TIMP3: variants seen among roughly 807,000 people sequenced by gnomAD.
TIMP3 encodes TIMP metallopeptidase inhibitor 3.
TIMP3 carries 11 observed loss-of-function variants against 30.0 expected under a neutral mutation model. The ratio of observed to expected loss-of-function variants is 0.37; its 90% CI spans 0.23 to 0.61. The LOEUF (loss-of-function observed/expected upper bound fraction) is 0.61. Ranked by LOEUF, TIMP3 falls within the 20% of genes least tolerant of loss-of-function variation. TIMP3 has a pLI of 0.70. For synonymous variants in TIMP3, 112 were observed against 111.3 expected (o/e 1.01, Z -0.04); for missense variants, 181 against 276.8 (o/e 0.65, Z 2.45).
chr22:32,830,987 G>A (rs1203144520), intron 1 of TIMP3, among the ~76,000 whole-genome samples: 1 of 152,168 alleles, frequency 6.6e-6, no homozygotes, highest in Non-Finnish European at 1.5e-5. Flanking sequence ...ACAGGGGTGG[G>A]GGAAGAGGAG....
chr22:32,818,189 C>T (rs974038388), intron 1 of TIMP3, among the ~76,000 whole-genome samples: 3 of 152,146 alleles, frequency 2.0e-5, no homozygotes, highest in South Asian at 2.1e-4. Context: ...CTGCTCAGAG[C>T]GTTTTGGTGA....
At chr22:32,822,895 G>A (rs1398525919) in intron 1 of TIMP3, among the ~76,000 whole-genome samples, 2 of 149,560 alleles carry the variant, frequency 1.3e-5, no homozygotes, top group Non-Finnish European at 3.0e-5. Flanking sequence ...AGTAACAGAA[G>A]CCAATTTGTT....
chr22:32,851,168 G>A (rs1007471192), intron 2 of TIMP3, among the ~76,000 whole-genome samples: 1 of 152,148 alleles, frequency 6.6e-6, no homozygotes, highest in African/African-American at 2.4e-5. Flanking sequence ...TGCAACCTCT[G>A]GCAGACAGCG....
intron 1 of TIMP3, 78 bp downstream of exon 1, chr22:32,802,200 C>A: frequency 2.6e-6 from 4 of 1,517,476 alleles, no homozygotes; most frequent in Admixed American, 4.0e-5. Flanking sequence ...CAGGGCGAGC[C>A]CCACTCCTTT....
rs189788198 is a variant in TIMP3, at chr22:32,856,634, C to A, written c.205-615C>A. 2.6e-5 allele frequency among the ~76,000 whole-genome samples: 4 copies of A among 152,254 alleles called. No homozygotes were observed. In the East Asian group the frequency reaches 7.7e-4, roughly 29 times the overall value. Reference sequence around the variant, plus strand: ...ATCAGGGTAATTGGGATATTCATAACCTTAAACATTTATCGTTTCTTCATG... The same window carrying A: ...ATCAGGGTAATTGGGATATTCATAAACTTAAACATTTATCGTTTCTTCATG... On this transcript the variant is annotated intron_variant, in intron 2 of 4. Transcript: ENST00000266085.
intron 1 of TIMP3, 74 bp downstream of exon 1, chr22:32,802,196 G>C (rs2046607022): frequency 5.3e-6 from 8 of 1,521,722 alleles, no homozygotes; most frequent in Non-Finnish European, 7.0e-6. Flanking sequence ...GAGGCAGGGC[G>C]AGCCCCACTC....
rs77097802 is a variant in TIMP3 at position 32,829,663 on chromosome 22, C to T, written c.122-19789C>T. 4.8e-3 allele frequency among the ~76,000 whole-genome samples: 736 copies of T among 152,322 alleles called. 2 individuals are homozygous for T. The highest frequency in any genetic ancestry group is 8.1e-3 in the Non-Finnish European group (549 of 68,038). ...TGCTGGCCACTGGCTGTTCCCTCCT[C>T]CAGCCAGGACAATGCCGGTCCCCGG... On this transcript the variant is annotated intron_variant, in intron 1 of 4. Coordinates refer to ENST00000266085, the MANE Select transcript of TIMP3 (RefSeq NM_000362.5).
chr22:32,821,500 T>C (rs925079776), intron 1 of TIMP3, among the ~76,000 whole-genome samples: 7 of 152,158 alleles, frequency 4.6e-5, no homozygotes, highest in South Asian at 4.1e-4. Flanking sequence ...GGATGGTCCA[T>C]AGAAAGGTGA....
intron 1 of TIMP3, among the ~76,000 whole-genome samples, chr22:32,826,100 C>A (rs1177049454): frequency 6.6e-6 from 1 of 152,074 alleles, no homozygotes; most frequent in Admixed American, 6.5e-5. Flanking sequence ...TTTTTCCCAA[C>A]CTTTCTTTAG....
intron 1 of TIMP3, among the ~76,000 whole-genome samples, chr22:32,846,277 T>C (rs556880904): frequency 6.6e-6 from 1 of 152,330 alleles, no homozygotes; most frequent in East Asian, 1.9e-4. Flanking sequence ...CTATACTTGT[T>C]CTGACTACTT....
chr22:32,819,282 G>A (rs1462115188), intron 1 of TIMP3, among the ~76,000 whole-genome samples: 2 of 152,250 alleles, frequency 1.3e-5, no homozygotes, highest in East Asian at 3.9e-4. Context: ...CCAAAGGTCT[G>A]GAAAGAGGCT....
rs150279094 is a variant in TIMP3 at position 32,805,247 on chromosome 22, G to A, written c.121+3125G>A. Among the ~76,000 whole-genome samples, 124 of 152,250 alleles carry A rather than the reference G, an allele frequency of 8.1e-4. No individual in the cohort carries two copies. The East Asian group carries it at 0.016, about 20-fold the overall frequency. ...GAGCATGAGGCTCAGCTGGGGGGCC[G>A]GCTGCCAGCCCCAGAGGATGGCCCC... On this transcript the variant is annotated intron_variant, in intron 1 of 4. Transcript: ENST00000266085.
Position 32,849,612 on chromosome 22 carries a change from T to G in TIMP3, c.204+78T>G, listed in dbSNP as rs2048163224. On this transcript the variant is annotated intron_variant, in intron 2 of 4. Transcript: ENST00000266085. ...AGAGTCCTGGCTAAGGGAGGCAAAG[T>G]GGGTTGGAACTGGGGTGTGTGTCTA... The G allele has an allele frequency of 3.7e-6, 5 of 1,336,364 alleles. No individual in the cohort carries two copies. The African/African-American group carries it at 4.3e-5, about 12-fold the overall frequency. 82.8% of individuals were successfully genotyped at this position (1,336,364 alleles called of 1,614,324 possible).
chr22:32,813,663 A>ATTT (rs130278), intron 1 of TIMP3, among the ~76,000 whole-genome samples: 6 of 146,824 alleles, frequency 4.1e-5, no homozygotes, highest in African/African-American at 1.0e-4. Context: ...GTAACACCCA[A>ATTT]TTTTTTTTTT....
intron 2 of TIMP3, among the ~76,000 whole-genome samples, chr22:32,856,867 G>A (rs982365826): frequency 6.6e-5 from 10 of 152,126 alleles, no homozygotes; most frequent in African/African-American, 9.7e-5. Flanking sequence ...CCATCTTTAT[G>A]AGATTTACTT....
intron 1 of TIMP3, among the ~76,000 whole-genome samples, chr22:32,807,347 A>ATTATATAT (rs1491577264): frequency 1.3e-3 from 45 of 34,110 alleles, no homozygotes; most frequent in South Asian, 2.2e-3. Context: ...TATAATATAT[A>ATTATATAT]AATATATAAT....
chr22:32,825,698 GATGTGTGT>G (rs1157423738), intron 1 of TIMP3, among the ~76,000 whole-genome samples: 7 of 94,668 alleles, frequency 7.4e-5, no homozygotes, highest in East Asian at 3.5e-4. Flanking sequence ...AAAAAAAAAA[GATGTGTGT>G]ATGTGTGTAT....
rs145481968 is a variant in TIMP3 at position 32,818,227 on chromosome 22, T to C, written c.121+16105T>C. 5.7e-3 allele frequency among the ~76,000 whole-genome samples: 868 copies of C among 152,328 alleles called. 11 individuals are homozygous for C. Among genetic ancestry groups the C allele is most frequent in the African/African-American group, 0.018 (752 of 41,574 alleles). Reference sequence around the variant, plus strand: ...AAATTGGCTGATGGATATTTTGCAGTAGTCTACAGGATTTGACGTGGGATG... The same window carrying C: ...AAATTGGCTGATGGATATTTTGCAGCAGTCTACAGGATTTGACGTGGGATG... On this transcript the variant is annotated intron_variant, in intron 1 of 4. Transcript: ENST00000266085.
chr22:32,859,305 G>C lies in TIMP3; in HGVS notation c.564G>C (p.Lys188Asn). 1 of 1,614,134 alleles carries C rather than the reference G, an allele frequency of 6.2e-7. No individual in the cohort carries two copies. The highest frequency in any genetic ancestry group is 1.1e-5 in the South Asian group (1 of 91,082). Residue 188 changes from lysine to asparagine, a missense_variant, in exon 5 of 5, where the codon AAG becomes AAC. Around this residue, in one of 3 missense-constraint regions of TIMP3, gnomAD observed 47 missense variants for 63.8 expected, o/e 0.74. Transcript: ENST00000266085. Reference sequence around the variant, plus strand: ...AACACTACGCCTGCATCCGGCAGAAGGGCGGCTACTGCAGCTGGTACCGAG... The same window carrying C: ...AACACTACGCCTGCATCCGGCAGAACGGCGGCTACTGCAGCTGGTACCGAG... ...QSKHYACIRQ[K>N]GGYCSWYRGW...
Sources: allele counts gnomAD v4.1 joint callset (sites outside exome capture counted in the v4.1 genomes callset), GRCh38; gene constraint gnomAD v4.1.1; regional missense constraint gnomAD v4.1.1; transcripts MANE v1.5; gene names NCBI Gene and HGNC (gene_info 2026-07-23, HGNC 2026-07-21).